Variants in ZNF664 observed in about 807,000 individuals in gnomAD.
ZNF664 encodes the protein zinc finger Organ of Corti 1.
In ZNF664, 10 loss-of-function variants were observed where a neutral mutation model predicts 18.2. That is an observed-to-expected ratio of 0.55 (90% confidence interval 0.34 to 0.93). The LOEUF is 0.93. ZNF664 is among the 40% of genes least tolerant of loss of function. The probability of loss-of-function intolerance (pLI) is 0.02; values close to 1 mark genes in which losing one functional copy is unlikely to be tolerated. For synonymous variants in ZNF664, 119 were observed against 104.2 expected, an observed-to-expected ratio of 1.14 and a Z score of -0.86; for missense variants, 193 against 319.0, an observed-to-expected ratio of 0.61 and a Z score of 3.01.
chr12:123,993,498 T>G (rs1361051227), intron 3 of ZNF664, among the ~76,000 whole-genome samples: 2 of 152,220 alleles, frequency 1.3e-5, no homozygotes, highest in Non-Finnish European at 2.9e-5. Flanking sequence ...AACTTGAGTA[T>G]CTAAGTCTTC....
In ZNF664 at chr12:123,988,086, T is replaced by C. The variant is rs778183460; in HGVS notation, c.-713T>C. 152 of 1,231,490 alleles carry C rather than the reference T, an allele frequency of 1.2e-4. No individual in the cohort carries two copies. Among genetic ancestry groups the C allele is most frequent in the Non-Finnish European group, 1.5e-4 (148 of 987,876 alleles). The allele number at this position is 1,231,490 out of a possible 1,614,324, so 76.3% of individuals were successfully genotyped here. A position where few individuals can be genotyped will look rare whatever the true frequency, so the allele number is the denominator to read the frequency against. On this transcript the variant is annotated 5_prime_UTR_variant, in exon 3 of 5. Transcript: ENST00000337815. ...GTAGTCCTTCAGCCACTGTGGGCCCTGCCTCTGCCTGTTCTTCTGGAATGT... is the reference window on the plus strand; with the variant it reads ...GTAGTCCTTCAGCCACTGTGGGCCCCGCCTCTGCCTGTTCTTCTGGAATGT...
In ZNF664 at chr12:123,973,847, C is replaced by T. The variant is rs116061059; in HGVS notation, c.-891-39C>T. 1,664 of 1,167,482 alleles carry T rather than the reference C, an allele frequency of 1.4e-3. 15 individuals are homozygous for T. The African/African-American group carries it at 0.024, about 17-fold the overall frequency. The allele number at this position is 1,167,482 out of a possible 1,614,324, so 72.3% of individuals were successfully genotyped here. ...AGGGGACCGGGGAGCCGGGCGGCTGCGGAGGAGCCGGCTGCATGGGGTGCT... is the reference window on the plus strand; with the variant it reads ...AGGGGACCGGGGAGCCGGGCGGCTGTGGAGGAGCCGGCTGCATGGGGTGCT... On this transcript the variant is annotated intron_variant, in intron 1 of 4. Transcript: ENST00000337815.
chr12:123,974,343 G>T, intron 2 of ZNF664: 1 of 271,760 alleles, frequency 3.7e-6, no homozygotes. Flanking sequence ...ACCAGATACC[G>T]AAAAAAGATT....
rs1183108713 is a variant in ZNF664 at position 124,004,013 on chromosome 12, G to T, written c.-660-7368G>T. The stretch of plus-strand genomic sequence containing the variant: ...GTGGGGCCAGAGAGTTCTGGTGAGC[G>T]CAGAGAGAAGCTGTGGACAACAGAC... On this transcript the variant is annotated intron_variant, in intron 3 of 4. Coordinates refer to ENST00000337815, the MANE Select transcript of ZNF664 (RefSeq NM_152437.3). Among the ~76,000 whole-genome samples, 3 of 152,324 alleles carry T rather than the reference G, an allele frequency of 2.0e-5. No individual in the cohort carries two copies. In the South Asian group the frequency reaches 6.2e-4, roughly 32 times the overall value.
At chr12:123,999,263 C>G (rs1177909456) in intron 3 of ZNF664, among the ~76,000 whole-genome samples, 1 of 152,164 alleles carries the variant, frequency 6.6e-6, no homozygotes, top group Non-Finnish European at 1.5e-5. Flanking sequence ...TTCTTTTTCA[C>G]TTTTATCTTT....
At chr12:123,980,014 G>C (rs1956744006) in intron 2 of ZNF664, among the ~76,000 whole-genome samples, 1 of 152,144 alleles carries the variant, frequency 6.6e-6, no homozygotes, top group African/African-American at 2.4e-5. Flanking sequence ...AGGTAGATTT[G>C]TATGTACTGA....
At chr12:123,979,123 C>CATA (rs1956730611) in intron 2 of ZNF664, among the ~76,000 whole-genome samples, 1 of 152,150 alleles carries the variant, frequency 6.6e-6, no homozygotes, top group South Asian at 2.1e-4. Flanking sequence ...GACCTAAAAT[C>CATA]ATAAATGAAA....
At position 124,013,748 on chromosome 12, in the gene ZNF664, A is replaced by G. The variant is rs1957160296; in HGVS notation, c.*818A>G. Reference sequence around the variant, plus strand: ...AAGTGAGAGCTTTTCTTCATCCAGAATTGCCCTCTGGGCTCCTTTGGTAAC... The same window carrying G: ...AAGTGAGAGCTTTTCTTCATCCAGAGTTGCCCTCTGGGCTCCTTTGGTAAC... On this transcript the variant is annotated 3_prime_UTR_variant, in exon 5 of 5. Coordinates refer to ENST00000337815, the MANE Select transcript of ZNF664 (RefSeq NM_152437.3). 2 of 167,146 alleles carry G rather than the reference A, an allele frequency of 1.2e-5. No homozygotes were observed. Among genetic ancestry groups the G allele is most frequent in the Non-Finnish European group, 2.9e-5 (2 of 68,148 alleles). 10.4% of individuals were successfully genotyped at this position (167,146 alleles called of 1,614,324 possible).
At chr12:124,000,394 C>G (rs1245292365) in intron 3 of ZNF664, among the ~76,000 whole-genome samples, 2 of 152,192 alleles carry the variant, frequency 1.3e-5, no homozygotes, top group Non-Finnish European at 2.9e-5. Flanking sequence ...CCGTCCTTCT[C>G]CTCTCCAGAG....
In ZNF664 at chr12:124,015,006, G is replaced by A. The variant is rs999791798; in HGVS notation, c.*2076G>A. 6.0e-6 allele frequency: 1 copy of A among 167,090 alleles called. No homozygotes were observed. The highest frequency in any genetic ancestry group is 1.5e-5 in the Non-Finnish European group (1 of 68,122). 10.4% of individuals were successfully genotyped at this position (167,090 alleles called of 1,614,324 possible). A position where few individuals can be genotyped will look rare whatever the true frequency, so the allele number is the denominator to read the frequency against. On this transcript the variant is annotated 3_prime_UTR_variant, in exon 5 of 5. Transcript: ENST00000337815. ...AATTCCACAAGTACGATTTACTGTA[G>A]TGTCTTATCACTCTTTCATGTCACA... is the stretch of plus-strand genomic sequence containing the variant.
chr12:123,973,949 C>A lies in ZNF664; in HGVS notation c.-828C>A. On this transcript the variant is annotated 5_prime_UTR_variant, in exon 2 of 5. Transcript: ENST00000337815. ...CAGGTGATGAGGAACCCCTCGCGCA[C>A]CCAGCGCAGAAGGCTGCTGCCGCCG... 1 of 1,231,946 alleles carries A rather than the reference C, an allele frequency of 8.1e-7. No individual in the cohort carries two copies. The allele number at this position is 1,231,946 out of a possible 1,614,324, so 76.3% of individuals were successfully genotyped here.
intron 3 of ZNF664, among the ~76,000 whole-genome samples, chr12:124,004,416 C>G (rs939019094): frequency 7.9e-5 from 12 of 152,222 alleles, no homozygotes; most frequent in African/African-American, 2.2e-4. Context: ...TGGTTAAAGG[C>G]TAGAGTTTCA....
chr12:124,010,370 C>T (rs558188835), intron 3 of ZNF664, among the ~76,000 whole-genome samples: 1 of 152,192 alleles, frequency 6.6e-6, no homozygotes, highest in Non-Finnish European at 1.5e-5. Flanking sequence ...AGTATCATAG[C>T]GTATAGAGTA....
intron 3 of ZNF664, among the ~76,000 whole-genome samples, chr12:124,004,274 A>G (rs1179974523): frequency 6.6e-6 from 1 of 152,230 alleles, no homozygotes; most frequent in Non-Finnish European, 1.5e-5. Flanking sequence ...CCAAGCCAGC[A>G]TGGAAGCCAG....
chr12:123,987,182 T>G (rs981265753), intron 2 of ZNF664, among the ~76,000 whole-genome samples: 3 of 152,228 alleles, frequency 2.0e-5, no homozygotes, highest in African/African-American at 7.2e-5. Context: ...AGAGGCATAC[T>G]GTAATCCAGC....
chr12:123,976,126 T>C (rs575805415), intron 2 of ZNF664, among the ~76,000 whole-genome samples: 36 of 152,324 alleles, frequency 2.4e-4, no homozygotes, highest in East Asian at 1.9e-4. Context: ...TTGAAGCTTA[T>C]GATTTGTGAG....
At chr12:124,000,324 G>C (rs1031521131) in intron 3 of ZNF664, among the ~76,000 whole-genome samples, 6 of 152,068 alleles carry the variant, frequency 3.9e-5, no homozygotes, top group African/African-American at 1.4e-4. Flanking sequence ...AGCAGCCAGG[G>C]ACTGTCAGTT....
At chr12:124,008,134 C>CT (rs1957094809) in intron 3 of ZNF664, among the ~76,000 whole-genome samples, 1 of 152,140 alleles carries the variant, frequency 6.6e-6, no homozygotes, top group Non-Finnish European at 1.5e-5. Context: ...ACCTTACCGG[C>CT]TTTTTTTCCC....
intron 3 of ZNF664, among the ~76,000 whole-genome samples, chr12:124,002,573 A>G (rs1337462863): frequency 6.6e-6 from 1 of 152,134 alleles, no homozygotes; most frequent in East Asian, 1.9e-4. Flanking sequence ...TGTAGTGGCC[A>G]TGGAGAGATG....
Sources: gnomAD v4.1 joint callset for allele counts (sites outside exome capture counted in the v4.1 genomes callset) on GRCh38, gnomAD v4.1.1 for gene constraint, MANE v1.5 for transcripts, NCBI Gene and HGNC (gene_info 2026-07-23, HGNC 2026-07-21) for gene names.